The following ZNF493 variants were observed in gnomAD, a reference collection of about 807,000 sequenced individuals.
ZNF493 encodes zinc finger protein 493.
Under a neutral mutation model 12.2 loss-of-function variants are expected in ZNF493, and 11 were observed. The ratio of observed to expected loss-of-function variants is 0.90; its 90% CI spans 0.57 to 1.50. The LOEUF (loss-of-function observed/expected upper bound fraction) is 1.50, where lower values mean the gene tolerates loss of function less well. ZNF493 is among the 40% of genes most tolerant of loss of function. The pLI, the probability that ZNF493 is intolerant of heterozygous loss-of-function variation, is 0.00. For synonymous variants in ZNF493, 286 were observed against 302.6 expected (o/e 0.95, Z 0.57); for missense variants, 950 against 906.6 (o/e 1.05, Z -0.61).
chr19:21,400,789 G>A (rs540469348), intron 1 of ZNF493, among the ~76,000 whole-genome samples: 48 of 152,288 alleles, frequency 3.2e-4, no homozygotes, highest in African/African-American at 1.1e-3. Context: ...TTGTACATCA[G>A]GGATGCTATG....
Position 21,425,004 on chromosome 19 carries a change from T to C in ZNF493, c.*20T>C. On this transcript the variant is annotated 3_prime_UTR_variant, in exon 4 of 4. Transcript: ENST00000392288. The stretch of plus-strand genomic sequence containing the variant: ...AAGTGAAGAATGTGGCAAAGGCCTT[T>C]ACTGCTCCTATTCCCTTACTAAAGA... 1 of 1,574,712 alleles carries C rather than the reference T, an allele frequency of 6.4e-7. No homozygotes were observed. The highest frequency in any genetic ancestry group is 8.6e-7 in the Non-Finnish European group (1 of 1,163,634).
chr19:21,423,669 C>A lies in ZNF493; in HGVS notation c.1010C>A (p.Thr337Asn). The change falls in exon 4 of 4, where the codon ACT (threonine) becomes AAT (asparagine). Residue 337 changes from threonine (T) to asparagine (N), a missense_variant. Coordinates refer to ENST00000392288, the MANE Select transcript of ZNF493 (RefSeq NM_001076678.3). ...GCCTTTAGTATTTTCTCAACCCCTACTAAACATAAGATAATTCACACTGAA... is the reference window on the plus strand; with the variant it reads ...GCCTTTAGTATTTTCTCAACCCCTAATAAACATAAGATAATTCACACTGAA... ...GKAFSIFSTP[T>N]KHKIIHTEEK... The A allele has an allele frequency of 1.2e-6, 2 of 1,611,270 alleles. No homozygotes were observed.
At chr19:21,409,544 G>A (rs966655731) in intron 3 of ZNF493, among the ~76,000 whole-genome samples, 2 of 151,876 alleles carry the variant, frequency 1.3e-5, no homozygotes, top group Non-Finnish European at 2.9e-5. Flanking sequence ...AAAAGTGTCA[G>A]ACCAGCCTGG....
At chr19:21,414,509 G>A (rs765135906) in intron 3 of ZNF493, 1 of 152,160 alleles carries the variant, frequency 6.6e-6, no homozygotes, top group Non-Finnish European at 1.5e-5. Context: ...GTGTATGAGC[G>A]AGCCCTAATG....
chr19:21,403,928 C>T (rs1276798985), intron 1 of ZNF493, among the ~76,000 whole-genome samples: 1 of 152,156 alleles, frequency 6.6e-6, no homozygotes, highest in Non-Finnish European at 1.5e-5. Flanking sequence ...ATAATCTGCA[C>T]TACTTAAAAT....
chr19:21,403,354 A>G (rs2030008723), intron 1 of ZNF493, among the ~76,000 whole-genome samples: 1 of 152,336 alleles, frequency 6.6e-6, no homozygotes, highest in South Asian at 2.1e-4. Context: ...AGTGTCACCC[A>G]TATTTTCATT....
chr19:21,418,421 A>C (rs2030557461), intron 3 of ZNF493, among the ~76,000 whole-genome samples: 1 of 152,084 alleles, frequency 6.6e-6, no homozygotes, highest in Non-Finnish European at 1.5e-5. Flanking sequence ...CTTACTCATC[A>C]TGGGGATTGC....
chr19:21,420,139 A>G (rs1183267311), intron 3 of ZNF493, among the ~76,000 whole-genome samples: 3 of 152,082 alleles, frequency 2.0e-5, no homozygotes, highest in Non-Finnish European at 4.4e-5. Context: ...TCCTTCACCA[A>G]CACAGGCTTC....
chr19:21,400,989 A>G (rs1568376386), intron 1 of ZNF493, among the ~76,000 whole-genome samples: 3 of 152,114 alleles, frequency 2.0e-5, no homozygotes, highest in East Asian at 3.9e-4. Context: ...TTTGAATTCT[A>G]TGTTGAACAA....
At position 21,423,748 on chromosome 19, in the gene ZNF493, C is replaced by G. The variant is rs115428681; in HGVS notation, c.1089C>G (p.His363Gln). 2,723 of 1,613,270 alleles carry G rather than the reference C, an allele frequency of 1.7e-3. 2 individuals carry two copies. The highest frequency in any genetic ancestry group is 2.1e-3 in the Non-Finnish European group (2,466 of 1,179,468). The change falls in exon 4 of 4, where the codon CAC (histidine) becomes CAG (glutamine). Residue 363 changes from histidine to glutamine, a missense_variant. By Grantham distance (24) the His-to-Gln change is conservative. Coordinates refer to ENST00000392288, the MANE Select transcript of ZNF493 (RefSeq NM_001076678.3). ...EYCKAYKESS[H>Q]LTTHKRIHTG... ...GCAAAGCTTATAAGGAGTCCTCACA[C>G]CTTACTACACATAAAAGAATTCATA...
At chr19:21,408,363 C>T in intron 3 of ZNF493, 1 of 859,638 alleles carries the variant, frequency 1.2e-6, no homozygotes. Flanking sequence ...CTCCTGACCT[C>T]AGGTGATCCA....
At chr19:21,407,738 T>C in intron 3 of ZNF493, 1 of 982,346 alleles carries the variant, frequency 1.0e-6, no homozygotes, top group Non-Finnish European at 1.2e-6. Context: ...TGGTTTTTTA[T>C]GTGTAAGATT....
At position 21,405,148 on chromosome 19, in the gene ZNF493, A is replaced by T; in HGVS notation, c.50A>T (p.Asp17Val). ...TTTCAGGGGCCGTTGACATTTAGGG[A>T]TGTGGCCATAGAATTCTCTCTGGAG... ...SLDMGPLTFR[D>V]VAIEFSLEEW... is the part of the protein sequence containing the mutation. Residue 17 changes from aspartate to valine, a missense_variant, in exon 2 of 4, where the codon GAT becomes GTT. Asp to Val is a radical substitution (Grantham distance 152). Coordinates refer to ENST00000392288, the MANE Select transcript of ZNF493 (RefSeq NM_001076678.3). 6.2e-7 allele frequency: 1 copy of T among 1,613,604 alleles called. No homozygotes were observed. The highest frequency in any genetic ancestry group is 8.5e-7 in the Non-Finnish European group (1 of 1,179,890).
At position 21,397,191 on chromosome 19, in the gene ZNF493, C is replaced by T. The variant is rs781496870; in HGVS notation, c.-47C>T. On this transcript the variant is annotated 5_prime_UTR_variant, in exon 1 of 4. Coordinates refer to ENST00000392288, the MANE Select transcript of ZNF493 (RefSeq NM_001076678.3). The stretch of plus-strand genomic sequence containing the variant: ...ACCCTTCACTGCTCTGTGTCCTCAG[C>T]GTGTGTGGCTTCGTGACCTGAAGAT... 17 of 1,610,938 alleles carry T rather than the reference C, an allele frequency of 1.1e-5. No individual in the cohort carries two copies. Among genetic ancestry groups the T allele is most frequent in the African/African-American group, 2.7e-5 (2 of 74,892 alleles).
At chr19:21,413,161 G>A (rs1191600410) in intron 3 of ZNF493, 1 of 310,132 alleles carries the variant, frequency 3.2e-6, no homozygotes, top group Non-Finnish European at 6.1e-6. Flanking sequence ...TCTTTCTAAA[G>A]AAGTACATTC....
chr19:21,405,855 A>G lies in ZNF493; in HGVS notation c.252A>G (p.Pro84=), dbSNP rs2030103572. 2 of 1,424,136 alleles carry G rather than the reference A, an allele frequency of 1.4e-6. No homozygotes were observed. The highest frequency in any genetic ancestry group is 1.9e-6 in the Non-Finnish European group (2 of 1,065,854). The allele number at this position is 1,424,136 out of a possible 1,614,324, so 88.2% of individuals were successfully genotyped here. A position where few individuals can be genotyped will look rare whatever the true frequency, so the allele number is the denominator to read the frequency against. ...MKGHSTVVKP[P]VICSHFAEDF... Reference sequence around the variant, plus strand: ...GACACAGTACGGTAGTCAAACCCCCAGGTAGGTGAGAGTGAATGAAACAGT... The same window carrying G: ...GACACAGTACGGTAGTCAAACCCCCGGGTAGGTGAGAGTGAATGAAACAGT... The change falls in exon 3 of 4, where the codon CCA becomes CCG. Residue 84 remains proline, a splice_region_variant and synonymous_variant. Coordinates refer to ENST00000392288, the MANE Select transcript of ZNF493 (RefSeq NM_001076678.3).
chr19:21,402,254 AC>A (rs1485657498), intron 1 of ZNF493, among the ~76,000 whole-genome samples: 3 of 152,210 alleles, frequency 2.0e-5, no homozygotes, highest in Non-Finnish European at 4.4e-5. Flanking sequence ...GGCATGAGCC[AC>A]CATGCCTGGC....
At chr19:21,404,493 A>G (rs2030049625) in intron 1 of ZNF493, among the ~76,000 whole-genome samples, 1 of 152,220 alleles carries the variant, frequency 6.6e-6, no homozygotes, top group Admixed American at 6.5e-5. Context: ...AAACCATCAC[A>G]TTTAATCTGG....
At chr19:21,405,673 C>A in intron 2 of ZNF493, 88 bp from the exon 3 acceptor site, 1 of 1,149,370 alleles carries the variant, frequency 8.7e-7, no homozygotes, top group Non-Finnish European at 1.2e-6. Flanking sequence ...CTAGAATATT[C>A]TATTACATCC....
Sources: allele counts gnomAD v4.1 joint callset (sites outside exome capture counted in the v4.1 genomes callset), GRCh38; gene constraint gnomAD v4.1.1; transcripts MANE v1.5; gene names NCBI Gene and HGNC (gene_info 2026-07-23, HGNC 2026-07-21).